The following FBXO4 variants were observed in gnomAD, a reference collection of about 807,000 sequenced individuals.
FBXO4 encodes F-box protein 4.
Under a neutral mutation model 43.7 loss-of-function variants are expected in FBXO4, and 36 were observed. The ratio of observed to expected loss-of-function variants is 0.82; its 90% CI spans 0.63 to 1.09. The LOEUF is 1.09. Among genes scored for constraint, FBXO4 ranks in the 50% least tolerant of loss-of-function variants. The pLI is 0.00. For missense variants in FBXO4, 435 were observed against 474.1 expected (o/e 0.92, Z 0.77); for synonymous variants, 180 against 165.6 (o/e 1.09, Z -0.67).
chr5:41,981,690 G>C, the FBXO4 span, among the ~76,000 whole-genome samples: 1 of 147,398 alleles, frequency 6.8e-6, no homozygotes, highest in South Asian at 2.2e-4. Flanking sequence ...AAATTTATTT[G>C]TTAGGTGTCC....
the FBXO4 span, among the ~76,000 whole-genome samples, chr5:41,985,057 G>T: frequency 6.6e-6 from 1 of 152,018 alleles, no homozygotes; most frequent in Non-Finnish European, 1.5e-5. Flanking sequence ...TGCCTAGATT[G>T]GACAACAAAA....
the FBXO4 span, among the ~76,000 whole-genome samples, chr5:42,000,742 G>A: frequency 6.6e-6 from 1 of 152,030 alleles, no homozygotes; most frequent in Non-Finnish European, 1.5e-5. Flanking sequence ...TCTATTTCAT[G>A]TTAATTTTTG....
the FBXO4 span, among the ~76,000 whole-genome samples, chr5:41,950,608 G>A: frequency 6.6e-6 from 1 of 152,218 alleles, no homozygotes; most frequent in African/African-American, 2.4e-5. Context: ...CGTTTACACT[G>A]TTGGTGGGAG....
chr5:41,989,772 T>C, the FBXO4 span, among the ~76,000 whole-genome samples: 1 of 152,184 alleles, frequency 6.6e-6, no homozygotes, highest in Non-Finnish European at 1.5e-5. Flanking sequence ...CATCTGCTCC[T>C]TATTCATCCT....
chr5:42,000,498 T>C, the FBXO4 span, among the ~76,000 whole-genome samples: 3 of 152,238 alleles, frequency 2.0e-5, no homozygotes, highest in Non-Finnish European at 2.9e-5. Context: ...CCTTGTTGAA[T>C]ATATGGTTTG....
At chr5:41,972,486 C>T in the FBXO4 span, among the ~76,000 whole-genome samples, 1 of 152,016 alleles carries the variant, frequency 6.6e-6, no homozygotes, top group Non-Finnish European at 1.5e-5. Context: ...GTTAAAATGA[C>T]CATACTGTCC....
Position 41,927,203 on chromosome 5 carries a change from C to A in FBXO4, c.380C>A (p.Pro127His). The change falls in exon 2 of 7, where the codon CCT becomes CAT. Residue 127 changes from proline to histidine, a missense_variant. Physicochemically the swap from Pro to His is moderately conservative, Grantham distance 77. Transcript: ENST00000281623. The stretch of plus-strand genomic sequence containing the variant: ...CCAGATCTAGAAATCTTAAAAAAGC[C>A]TATATCTGAGGTCACTGATGGTGCA... ...SLPDLEILKK[P>H]ISEVTDGAFF... The A allele has an allele frequency of 6.2e-7, 1 of 1,613,176 alleles. No individual in the cohort carries two copies. The highest frequency in any genetic ancestry group is 8.5e-7 in the Non-Finnish European group (1 of 1,179,770).
At chr5:42,037,683 A>T in the FBXO4 span, among the ~76,000 whole-genome samples, 1 of 152,098 alleles carries the variant, frequency 6.6e-6, no homozygotes, top group East Asian at 1.9e-4. Flanking sequence ...TGTCCTGCAT[A>T]ACAGTGGAAC....
At chr5:42,032,043 CTCTG>C in the FBXO4 span, among the ~76,000 whole-genome samples, 4 of 149,186 alleles carry the variant, frequency 2.7e-5, no homozygotes, top group Non-Finnish European at 5.9e-5. Context: ...CTCTCACTCT[CTCTG>C]TCTTTTTTTC....
the FBXO4 span, among the ~76,000 whole-genome samples, chr5:42,022,992 A>G: frequency 1.3e-5 from 2 of 152,228 alleles, no homozygotes; most frequent in African/African-American, 2.4e-5. Context: ...AATTTCTACA[A>G]TGATGTTTAG....
the FBXO4 span, among the ~76,000 whole-genome samples, chr5:41,984,744 C>T: frequency 1.3e-5 from 2 of 152,134 alleles, no homozygotes; most frequent in Non-Finnish European, 2.9e-5. Context: ...ATCCTGACCT[C>T]GAGTGATTCG....
chr5:42,016,199 G>A, the FBXO4 span, among the ~76,000 whole-genome samples: 1 of 152,076 alleles, frequency 6.6e-6, no homozygotes, highest in Non-Finnish European at 1.5e-5. Context: ...AGGTATAGAG[G>A]CTGAAAAAGT....
chr5:42,026,472 G>A, the FBXO4 span, among the ~76,000 whole-genome samples: 1 of 151,902 alleles, frequency 6.6e-6, no homozygotes, highest in Admixed American at 6.6e-5. Flanking sequence ...GTAGTATTTA[G>A]GTTTTTACAA....
intron 5 of FBXO4, 130 bp downstream of exon 5, chr5:41,934,438 T>C (rs1201425079): frequency 6.6e-7 from 1 of 1,505,216 alleles, no homozygotes; most frequent in Admixed American, 2.1e-5. Flanking sequence ...TTCTGACCCT[T>C]ACTATTAATA....
At chr5:41,939,875 G>T (rs1751960094) in intron 6 of FBXO4, among the ~76,000 whole-genome samples, 3 of 124,606 alleles carry the variant, frequency 2.4e-5, no homozygotes, top group Non-Finnish European at 3.3e-5. Context: ...GTTGAGACAG[G>T]GTCTCACTTT....
At chr5:42,032,983 A>G in the FBXO4 span, among the ~76,000 whole-genome samples, 1 of 152,080 alleles carries the variant, frequency 6.6e-6, no homozygotes, top group African/African-American at 2.4e-5. Context: ...CTTCCCTTCA[A>G]GGCAGCCAGT....
intron 6 of FBXO4, among the ~76,000 whole-genome samples, chr5:41,940,171 C>T (rs903421369): frequency 1.4e-4 from 21 of 150,642 alleles, no homozygotes; most frequent in African/African-American, 5.1e-4. Flanking sequence ...TTTTTAGATG[C>T]CACTATTATG....
chr5:41,947,743 G>T, the FBXO4 span, among the ~76,000 whole-genome samples: 451 of 152,306 alleles, frequency 3.0e-3, 1 homozygote, highest in African/African-American at 0.01. Context: ...TGTGGTCAAA[G>T]TGAGAAAGCT....
At chr5:41,955,771 G>C in the FBXO4 span, among the ~76,000 whole-genome samples, 1 of 152,104 alleles carries the variant, frequency 6.6e-6, no homozygotes, top group Non-Finnish European at 1.5e-5. Flanking sequence ...AACTACCCAA[G>C]GATGAAGAAA....
Sources: allele counts gnomAD v4.1 joint callset (sites outside exome capture counted in the v4.1 genomes callset), GRCh38; gene constraint gnomAD v4.1.1; transcripts MANE v1.5; gene names NCBI Gene and HGNC (gene_info 2026-07-23, HGNC 2026-07-21).